The following FSTL5 variants were observed in gnomAD, a reference collection of about 807,000 sequenced individuals.
The protein encoded by FSTL5 is follistatin like 5, also known as follistatin-related protein 5.
FSTL5 carries 62 observed loss-of-function variants against 89.1 expected under a neutral mutation model. The observed-to-expected ratio is 0.70, with a 90% CI of 0.57 to 0.86. FSTL5 has a LOEUF of 0.86. FSTL5 is among the 40% of genes least tolerant of loss of function. FSTL5 has a pLI of 0.00. For synonymous variants in FSTL5, 383 were observed against 346.2 expected (o/e 1.11, Z -1.18); for missense variants, 1,057 against 1,001.6 (o/e 1.06, Z -0.75).
intron 10 of FSTL5, among the ~76,000 whole-genome samples, chr4:161,527,910 GA>G (rs1731282205): frequency 6.7e-6 from 1 of 149,544 alleles, no homozygotes; most frequent in African/African-American, 2.5e-5. Context: ...GTCCAACAAT[GA>G]TAGACTGGAT....
chr4:161,404,795 GT>G (rs1320723704), intron 15 of FSTL5, among the ~76,000 whole-genome samples: 3 of 151,230 alleles, frequency 2.0e-5, no homozygotes, highest in Non-Finnish European at 4.4e-5. Flanking sequence ...AATGTGTTGA[GT>G]TTAAAACAAA....
intron 7 of FSTL5, among the ~76,000 whole-genome samples, chr4:161,609,253 GA>G (rs1196494020): frequency 2.6e-5 from 4 of 151,932 alleles, no homozygotes; most frequent in Non-Finnish European, 5.9e-5. Flanking sequence ...GATTTATTTG[GA>G]AAAAGTATTC....
chr4:162,058,321 G>A (rs1024019479), intron 2 of FSTL5, among the ~76,000 whole-genome samples: 1 of 151,596 alleles, frequency 6.6e-6, no homozygotes, highest in Non-Finnish European at 1.5e-5. Flanking sequence ...ATATAGGAAA[G>A]CAAGGATATC....
At chr4:161,491,286 T>C (rs1051543652) in intron 12 of FSTL5, among the ~76,000 whole-genome samples, 1 of 152,066 alleles carries the variant, frequency 6.6e-6, no homozygotes, top group Non-Finnish European at 1.5e-5. Flanking sequence ...TTTAATTCTA[T>C]CTTTTAATTT....
At chr4:162,065,286 T>C (rs1738856982) in intron 2 of FSTL5, among the ~76,000 whole-genome samples, 1 of 151,950 alleles carries the variant, frequency 6.6e-6, no homozygotes, top group African/African-American at 2.4e-5. Context: ...GGTGAAAATA[T>C]GTACAAACCA....
chr4:161,691,217 T>G (rs1355759678), intron 6 of FSTL5, among the ~76,000 whole-genome samples: 2 of 152,122 alleles, frequency 1.3e-5, no homozygotes, highest in Non-Finnish European at 2.9e-5. Flanking sequence ...TTGAGTCAAA[T>G]TTTGAATAGG....
intron 4 of FSTL5, among the ~76,000 whole-genome samples, chr4:161,885,390 C>A (rs867111604): frequency 1.1e-4 from 16 of 152,052 alleles, no homozygotes; most frequent in Middle Eastern, 3.4e-3. Flanking sequence ...TGTGTGTATA[C>A]AAAGAAGTGT....
intron 15 of FSTL5, among the ~76,000 whole-genome samples, chr4:161,423,077 A>G (rs1350660337): frequency 6.6e-6 from 1 of 152,166 alleles, no homozygotes; most frequent in Non-Finnish European, 1.5e-5. Flanking sequence ...TCACTACACT[A>G]TGTCAAGTAC....
At position 162,046,585 on chromosome 4, in the gene FSTL5, A is replaced by G. The variant is rs538348603; in HGVS notation, c.127-12927T>C. Among the ~76,000 whole-genome samples the G allele has an allele frequency of 4.4e-4, 67 of 152,198 alleles. 1 individual carries two copies. Among genetic ancestry groups the G allele is most frequent in the Middle Eastern group, 6.8e-3 (2 of 294 alleles). On this transcript the variant is annotated intron_variant, in intron 2 of 15. Coordinates refer to ENST00000306100, the MANE Select transcript of FSTL5 (RefSeq NM_020116.5). ...CAGGAGAAAATTTATGCCTGGCTAA[A>G]TATTATAGCTGAAGCTATTTGGTAA...
In FSTL5 at chr4:162,070,077, T is replaced by G. The variant is rs143130532; in HGVS notation, c.127-36419A>C. 5.9e-5 allele frequency among the ~76,000 whole-genome samples: 9 copies of G among 151,990 alleles called. No individual in the cohort carries two copies. The East Asian group carries it at 1.8e-3, about 30-fold the overall frequency. On this transcript the variant is annotated intron_variant, in intron 2 of 15. Transcript: ENST00000306100. ...TCTTTTTTATAATAGCCATTCTGTC[T>G]TGGGTGAGGTAATATCTCATGTGGT... is the stretch of plus-strand genomic sequence containing the variant.
intron 7 of FSTL5, among the ~76,000 whole-genome samples, chr4:161,626,031 G>A (rs1008851963): frequency 2.0e-5 from 3 of 152,070 alleles, no homozygotes; most frequent in Non-Finnish European, 4.4e-5. Context: ...GTTAGTTCAT[G>A]GAGTTTAAGG....
chr4:162,064,644 A>C (rs1738829473), intron 2 of FSTL5, among the ~76,000 whole-genome samples: 1 of 152,010 alleles, frequency 6.6e-6, no homozygotes, highest in Non-Finnish European at 1.5e-5. Context: ...TCTGGTTTCC[A>C]GCTTGCCAAC....
At chr4:161,768,860 G>T (rs1230522848) in intron 5 of FSTL5, among the ~76,000 whole-genome samples, 1 of 151,476 alleles carries the variant, frequency 6.6e-6, no homozygotes, top group East Asian at 1.9e-4. Flanking sequence ...AGAAATAAAT[G>T]AAATTGAAGA....
Position 161,385,717 on chromosome 4 carries a change from G to A in FSTL5, c.*30C>T, listed in dbSNP as rs376492064. ...GATTAAGTGCAATGTATTGTAAAAC[G>A]CTTCATTCAATAATTGTATCGTAGG... is the stretch of plus-strand genomic sequence containing the variant. On this transcript the variant is annotated 3_prime_UTR_variant, in exon 16 of 16. Transcript: ENST00000306100. 66 of 1,408,506 alleles carry A rather than the reference G, an allele frequency of 4.7e-5. No individual in the cohort carries two copies. Among genetic ancestry groups the A allele is most frequent in the Non-Finnish European group, 6.0e-5 (62 of 1,028,528 alleles). 87.3% of individuals were successfully genotyped at this position (1,408,506 alleles called of 1,614,324 possible). A position where few individuals can be genotyped will look rare whatever the true frequency, so the allele number is the denominator to read the frequency against.
intron 3 of FSTL5, among the ~76,000 whole-genome samples, chr4:162,020,210 G>T (rs1737032542): frequency 6.6e-6 from 1 of 151,646 alleles, no homozygotes; most frequent in African/African-American, 2.4e-5. Flanking sequence ...CGATTAACCA[G>T]GGTCATGGGA....
intron 8 of FSTL5, among the ~76,000 whole-genome samples, chr4:161,561,733 A>G (rs373475164): frequency 1.9e-4 from 29 of 152,160 alleles, no homozygotes; most frequent in African/African-American, 7.0e-4. Context: ...AAATGTCTCA[A>G]CTTGGCTAGG....
chr4:161,425,384 G>C (rs763581173), intron 15 of FSTL5, among the ~76,000 whole-genome samples: 9 of 152,066 alleles, frequency 5.9e-5, no homozygotes, highest in Non-Finnish European at 1.2e-4. Flanking sequence ...AAAGAATATG[G>C]GTGTGTCTGT....
intron 15 of FSTL5, among the ~76,000 whole-genome samples, chr4:161,413,199 TAAATC>T (rs1182095670): frequency 1.2e-3 from 148 of 119,434 alleles, no homozygotes; most frequent in African/African-American, 4.9e-3. Context: ...ATAGGGAACT[TAAATC>T]AATAGGAAAA....
chr4:162,138,853 T>C (rs776765791), intron 1 of FSTL5, among the ~76,000 whole-genome samples: 1 of 152,012 alleles, frequency 6.6e-6, no homozygotes, highest in Non-Finnish European at 1.5e-5. Flanking sequence ...AAAACGTATT[T>C]GATGTATTTT....
Sources: gnomAD v4.1 joint callset for allele counts (sites outside exome capture counted in the v4.1 genomes callset) on GRCh38, gnomAD v4.1.1 for gene constraint, MANE v1.5 for transcripts, NCBI Gene and HGNC (gene_info 2026-07-23, HGNC 2026-07-21) for gene names.